Variants in ATP10B observed in about 807,000 individuals in gnomAD.
ATP10B encodes the protein ATPase phospholipid transporting 10B (putative), also known as phospholipid-transporting ATPase VB.
In ATP10B, 122 loss-of-function variants were observed where a neutral mutation model predicts 141.2. That is an observed-to-expected ratio of 0.86 (90% CI 0.75 to 1.00). The LOEUF (loss-of-function observed/expected upper bound fraction) is 1.00. Ranked by LOEUF, ATP10B falls within the 50% of genes least tolerant of loss-of-function variation. The pLI is 0.00. For missense variants in ATP10B, 1,876 were observed against 1,825.3 expected (o/e 1.03, Z -0.51); for synonymous variants, 685 against 692.0 (o/e 0.99, Z 0.16).
chr5:160,596,143 A>G (rs1298707228), intron 22 of ATP10B, among the ~76,000 whole-genome samples: 1 of 152,142 alleles, frequency 6.6e-6, no homozygotes, highest in Non-Finnish European at 1.5e-5. Context: ...AAAATCCTCA[A>G]TAAAATACTG....
At chr5:160,572,810 A>C (rs141156986) in intron 24 of ATP10B, among the ~76,000 whole-genome samples, 446 of 152,340 alleles carry the variant, frequency 2.9e-3, no homozygotes, top group African/African-American at 0.01. Context: ...ATAGACAATA[A>C]ACCTCATACA....
At chr5:160,816,153 A>G (rs1188587800) in intron 1 of ATP10B, among the ~76,000 whole-genome samples, 1 of 146,496 alleles carries the variant, frequency 6.8e-6, no homozygotes, top group Non-Finnish European at 1.5e-5. Context: ...GGCAAGAAAT[A>G]ACTAAGATCA....
the ATP10B span, among the ~76,000 whole-genome samples, chr5:160,881,868 G>A: frequency 1.5e-3 from 228 of 152,130 alleles, no homozygotes; most frequent in Non-Finnish European, 2.1e-3. Flanking sequence ...ACGCAACCAA[G>A]ATTTCCTTCT....
At chr5:160,793,012 C>T (rs1385292435) in intron 1 of ATP10B, among the ~76,000 whole-genome samples, 1 of 152,156 alleles carries the variant, frequency 6.6e-6, no homozygotes, top group Admixed American at 6.5e-5. Flanking sequence ...AGGTTTGTGC[C>T]TAGCATTTTA....
At chr5:160,784,466 T>C (rs1389298951) in intron 2 of ATP10B, among the ~76,000 whole-genome samples, 1 of 152,236 alleles carries the variant, frequency 6.6e-6, no homozygotes, top group Admixed American at 6.5e-5. Context: ...TGCGGAGTTA[T>C]GCACATCTTT....
intron 1 of ATP10B, among the ~76,000 whole-genome samples, chr5:160,829,616 T>A (rs553185032): frequency 6.6e-6 from 1 of 152,154 alleles, no homozygotes. Flanking sequence ...TTTTCATTTA[T>A]GTCATCTCTG....
intron 6 of ATP10B, among the ~76,000 whole-genome samples, chr5:160,673,170 T>A (rs577156987): frequency 1.3e-5 from 2 of 152,324 alleles, no homozygotes; most frequent in African/African-American, 4.8e-5. Flanking sequence ...TCTGTAGCAT[T>A]TTAGTAATAA....
Position 160,565,762 on chromosome 5 carries a change from G to A in ATP10B, c.4077C>T (p.Pro1359=), listed in dbSNP as rs1190253630. Residue 1359 remains proline (P), a synonymous_variant, in exon 26 of 26, where the codon CCC becomes CCT. Transcript: ENST00000327245. ...WRSRQRPAPV[P]EVARPTHHPV... is the part of the protein sequence containing the mutation. ...GGTGGTGAGTTGGTCGAGCCACTTC[G>A]GGGACAGGGGCAGGCCTCTGTCTGC... 8.1e-6 allele frequency: 13 copies of A among 1,613,890 alleles called. No homozygotes were observed. The highest frequency in any genetic ancestry group is 4.0e-5 in the African/African-American group (3 of 74,884).
chr5:160,839,958 A>T (rs1339019008), intron 1 of ATP10B, among the ~76,000 whole-genome samples: 2 of 152,078 alleles, frequency 1.3e-5, no homozygotes, highest in East Asian at 3.8e-4. Context: ...ATGTACACAG[A>T]TAATAGGTAA....
upstream of ATP10B, among the ~76,000 whole-genome samples, chr5:160,856,421 T>C (rs1041566831): frequency 1.3e-5 from 2 of 151,880 alleles, no homozygotes; most frequent in African/African-American, 4.8e-5. Flanking sequence ...CCTTGGATTT[T>C]CTACAAAGAC....
chr5:160,620,544 G>T lies in ATP10B; in HGVS notation c.2219C>A (p.Ser740Tyr). 6.2e-7 allele frequency: 1 copy of T among 1,614,206 alleles called. No individual in the cohort carries two copies. The highest frequency in any genetic ancestry group is 8.5e-7 in the Non-Finnish European group (1 of 1,180,020). ...CACAGTCACCTGCTCAGGTGTCCGG[G>T]ACACTAGTGTGAAGCTGTAGGCATG... is the stretch of plus-strand genomic sequence containing the variant. Reference protein sequence around the residue: ...AAHAYSFTLVSRTPEQVTVRL... With the variant: ...AAHAYSFTLVYRTPEQVTVRL... Residue 740 changes from serine (S) to tyrosine (Y), a missense_variant, in exon 15 of 26, where the codon TCC becomes TAC. Transcript: ENST00000327245.
chr5:160,755,631 C>T (rs893425554), intron 2 of ATP10B, among the ~76,000 whole-genome samples: 320 of 148,704 alleles, frequency 2.2e-3, no homozygotes, highest in Non-Finnish European at 1.7e-3. Flanking sequence ...CCGGCTAAAA[C>T]GGTGAAACCC....
At chr5:160,823,016 A>ATATATATG (rs1203897379) in intron 1 of ATP10B, among the ~76,000 whole-genome samples, 48 of 118,588 alleles carry the variant, frequency 4.0e-4, no homozygotes, top group Admixed American at 8.5e-4. Context: ...ATATATATAT[A>ATATATATG]TATATATATA....
intron 18 of ATP10B, chr5:160,611,686 C>T (rs1757727522): frequency 1.3e-5 from 2 of 152,290 alleles, no homozygotes; most frequent in East Asian, 1.9e-4. Context: ...TATAAACCTC[C>T]CCAACATTCT....
intron 1 of ATP10B, among the ~76,000 whole-genome samples, chr5:160,841,533 T>C (rs1417067931): frequency 2.0e-5 from 3 of 152,094 alleles, no homozygotes; most frequent in African/African-American, 7.2e-5. Flanking sequence ...TGTAGTTTAA[T>C]GTTCTCTATA....
chr5:160,861,539 T>G, the ATP10B span, among the ~76,000 whole-genome samples: 2 of 151,950 alleles, frequency 1.3e-5, no homozygotes, highest in African/African-American at 2.4e-5. Flanking sequence ...TAATTTTTTG[T>G]TCAAATCAAT....
intron 1 of ATP10B, among the ~76,000 whole-genome samples, chr5:160,819,037 A>G (rs1375954287): frequency 2.6e-5 from 4 of 152,188 alleles, no homozygotes; most frequent in Non-Finnish European, 5.9e-5. Flanking sequence ...ATTAGGAGAT[A>G]TACCTAATGC....
chr5:160,885,881 A>C, the ATP10B span, among the ~76,000 whole-genome samples: 1 of 152,208 alleles, frequency 6.6e-6, no homozygotes, highest in Non-Finnish European at 1.5e-5. Context: ...AGTAACTTAG[A>C]TACACGTCCT....
At chr5:160,582,370 T>C (rs542753094) in intron 24 of ATP10B, among the ~76,000 whole-genome samples, 1 of 152,344 alleles carries the variant, frequency 6.6e-6, no homozygotes, top group Non-Finnish European at 1.5e-5. Context: ...ATCATTTGCT[T>C]GTCGTAAAGG....
Sources: gnomAD v4.1 joint callset for allele counts (sites outside exome capture counted in the v4.1 genomes callset) on GRCh38, gnomAD v4.1.1 for gene constraint, MANE v1.5 for transcripts, NCBI Gene and HGNC (gene_info 2026-07-23, HGNC 2026-07-21) for gene names.